GIMD1: variants seen among roughly 807,000 people sequenced by gnomAD.
The protein encoded by GIMD1 is GIMAP family P-loop NTPase domain containing 1.
Under a neutral mutation model 14.9 loss-of-function variants are expected in GIMD1, and 14 were observed. The ratio of observed to expected loss-of-function variants is 0.94; its 90% CI spans 0.62 to 1.47. The LOEUF (loss-of-function observed/expected upper bound fraction) is 1.47, where lower values mean the gene tolerates loss of function less well. Among genes scored for constraint, GIMD1 ranks in the 40% most tolerant of loss-of-function variants. GIMD1 has a pLI of 0.00. For missense variants in GIMD1, 272 were observed against 255.3 expected, an observed-to-expected ratio of 1.07 and a Z score of -0.44; for synonymous variants, 91 against 90.5, an observed-to-expected ratio of 1.01 and a Z score of -0.03.
In GIMD1 at chr4:106,361,181, C is replaced by T. The variant is rs76523932; in HGVS notation, c.394-2738G>A. Among the ~76,000 whole-genome samples, 256 of 152,152 alleles carry T rather than the reference C, an allele frequency of 1.7e-3. 1 individual carries two copies. Among genetic ancestry groups the T allele is most frequent in the African/African-American group, 6.0e-3 (249 of 41,534 alleles). On this transcript the variant is annotated intron_variant, in intron 2 of 2. Transcript: ENST00000638719. ...GGGTCTACTTTGTTCTAGGCATGCT[C>T]TACATGGTAGGGACAGGTGTGGAAC...
chr4:106,360,615 G>C (rs1012442920), intron 2 of GIMD1, among the ~76,000 whole-genome samples: 1 of 151,922 alleles, frequency 6.6e-6, no homozygotes, highest in Non-Finnish European at 1.5e-5. Flanking sequence ...CAGTTCTTCC[G>C]GATGTGATCT....
At chr4:106,366,962 A>G (rs1770711559) in intron 2 of GIMD1, 81 bp downstream of exon 2, 1 of 335,658 alleles carries the variant, frequency 3.0e-6, no homozygotes, top group African/African-American at 2.2e-5. Context: ...TAATAATATT[A>G]TTATTATTAT....
rs1267392043 is a variant in GIMD1, at chr4:106,357,488, CA to C, written c.*694del. 6.6e-6 allele frequency: 1 copy of C among 152,016 alleles called. No homozygotes were observed. 9.4% of individuals were successfully genotyped at this position (152,016 alleles called of 1,614,324 possible). A position where few individuals can be genotyped will look rare whatever the true frequency, so the allele number is the denominator to read the frequency against. On this transcript the variant is annotated 3_prime_UTR_variant, in exon 3 of 3. Coordinates refer to ENST00000638719, the MANE Select transcript of GIMD1 (RefSeq NM_001195138.2). ...ACAAGTGTTTGTTGTTGCATTTTCA[CA>C]AAGTGAACAAATCCTGTGAAACCAG...
intron 2 of GIMD1, among the ~76,000 whole-genome samples, chr4:106,364,968 C>A (rs1425342643): frequency 6.6e-6 from 1 of 152,074 alleles, no homozygotes; most frequent in East Asian, 1.9e-4. Context: ...AGCATAGGTT[C>A]ATGGTAGGGA....
At chr4:106,363,894 G>T (rs573271891) in intron 2 of GIMD1, among the ~76,000 whole-genome samples, 3 of 134,600 alleles carry the variant, frequency 2.2e-5, no homozygotes, top group Admixed American at 7.7e-5. Context: ...GGGGGGGGGG[G>T]GGCGGAAATG....
At position 106,368,720 on chromosome 4, in the gene GIMD1, C is replaced by A. The variant is rs1770744992; in HGVS notation, c.-13G>T. On this transcript the variant is annotated 5_prime_UTR_variant, in exon 1 of 3. Coordinates refer to ENST00000638719, the MANE Select transcript of GIMD1 (RefSeq NM_001195138.2). ...CTATATTTCGCTTACCTTTTCCAGT[C>A]TTGAAAATGCTTTCTCCACAAAGAC... 3 of 398,328 alleles carry A rather than the reference C, an allele frequency of 7.5e-6. No homozygotes were observed. Among genetic ancestry groups the A allele is most frequent in the Non-Finnish European group, 1.3e-5 (3 of 225,950 alleles). The allele number at this position is 398,328 out of a possible 1,614,324, so 24.7% of individuals were successfully genotyped here.
rs778893317 is a variant in GIMD1, at chr4:106,358,358, T to A, written c.479A>T (p.Asp160Val). The change falls in exon 3 of 3, where the codon GAT (aspartate) becomes GTT (valine). Residue 160 changes from aspartate (D) to valine (V), a missense_variant. By Grantham distance (152) the Asp-to-Val change is radical. Transcript: ENST00000638719. ...ATCAGAGGCCTCATGTAAATATTTA[T>A]CTTCAGTAAGCCCAGCCTCTTCTAT... ...EKIEEAGLTE[D>V]KYLHEASDTL... The A allele has an allele frequency of 1.4e-5, 21 of 1,533,668 alleles. No homozygotes were observed. In the South Asian group the frequency reaches 2.4e-4, roughly 17 times the overall value.
intron 2 of GIMD1, among the ~76,000 whole-genome samples, chr4:106,362,648 G>A (rs1770630772): frequency 6.6e-6 from 1 of 151,946 alleles, no homozygotes; most frequent in Non-Finnish European, 1.5e-5. Context: ...GGACTTTTTA[G>A]GGTGAAACAA....
In GIMD1 at chr4:106,358,104, C is replaced by T; in HGVS notation, c.*79G>A. ...AGCATATCAGAATACTTATGGTCCA[C>T]ATTCATGTCAATAAAGGCATTCTTT... On this transcript the variant is annotated 3_prime_UTR_variant, in exon 3 of 3. Transcript: ENST00000638719. 2.1e-6 allele frequency: 2 copies of T among 951,178 alleles called. No homozygotes were observed. Among genetic ancestry groups the T allele is most frequent in the Non-Finnish European group, 3.0e-6 (2 of 661,326 alleles). 58.9% of individuals were successfully genotyped at this position (951,178 alleles called of 1,614,324 possible).
chr4:106,362,945 T>G (rs766711533), intron 2 of GIMD1, among the ~76,000 whole-genome samples: 1 of 152,064 alleles, frequency 6.6e-6, no homozygotes, highest in South Asian at 2.1e-4. Context: ...TGGCTGATTA[T>G]TGACAGGCTT....
In GIMD1 at chr4:106,361,300, T is replaced by G. The variant is rs912039919; in HGVS notation, c.394-2857A>C. Among the ~76,000 whole-genome samples the G allele has an allele frequency of 3.9e-5, 6 of 152,090 alleles. No homozygotes were observed. The East Asian group carries it at 9.6e-4, about 24-fold the overall frequency. On this transcript the variant is annotated intron_variant, in intron 2 of 2. Coordinates refer to ENST00000638719, the MANE Select transcript of GIMD1 (RefSeq NM_001195138.2). ...AGACAGGAAAGAAATACTTTGAATT[T>G]GTTTCAATTGCAAGTGTGATAGAAA...
At chr4:106,365,196 C>T (rs1458883767) in intron 2 of GIMD1, among the ~76,000 whole-genome samples, 1 of 152,162 alleles carries the variant, frequency 6.6e-6, no homozygotes, top group Admixed American at 6.6e-5. Flanking sequence ...GCTTGAAATA[C>T]AGGCTTTCAT....
intron 2 of GIMD1, among the ~76,000 whole-genome samples, chr4:106,364,814 A>G (rs2125934497): frequency 6.6e-6 from 1 of 152,308 alleles, no homozygotes; most frequent in Non-Finnish European, 1.5e-5. Flanking sequence ...TATATGCCAA[A>G]TATTGTTTTA....
rs1246360307 is a variant in GIMD1, at chr4:106,367,236, G to A, written c.200C>T (p.Ala67Val). ...SFMRRGGLEV[A>V]LQVQVLDTPG... Reference sequence around the variant, plus strand: ...AGTGTCCAACACCTGGACCTGCAGGGCTACCTCTAGCCCACCTCGACGCAT... The same window carrying A: ...AGTGTCCAACACCTGGACCTGCAGGACTACCTCTAGCCCACCTCGACGCAT... Residue 67 changes from alanine to valine, a missense_variant, in exon 2 of 3, where the codon GCC becomes GTC. Transcript: ENST00000638719. 5 of 1,535,748 alleles carry A rather than the reference G, an allele frequency of 3.3e-6. No individual in the cohort carries two copies. The Admixed American group carries it at 9.8e-5, about 30-fold the overall frequency.
rs1770559636 is a variant in GIMD1, at chr4:106,358,179, A to C, written c.*4T>G. 6.8e-7 allele frequency: 1 copy of C among 1,468,202 alleles called. No homozygotes were observed. The highest frequency in any genetic ancestry group is 1.4e-5 in the African/African-American group (1 of 70,184). 90.9% of individuals were successfully genotyped at this position (1,468,202 alleles called of 1,614,324 possible). ...CCCAATGCTCCTTTCCTTTCACCTA[A>C]ATTTTATTTAAATGTAAGAACTTGG... is the stretch of plus-strand genomic sequence containing the variant. On this transcript the variant is annotated 3_prime_UTR_variant, in exon 3 of 3. Coordinates refer to ENST00000638719, the MANE Select transcript of GIMD1 (RefSeq NM_001195138.2).
At chr4:106,366,581 T>C (rs1286052107) in intron 2 of GIMD1, among the ~76,000 whole-genome samples, 1 of 152,132 alleles carries the variant, frequency 6.6e-6, no homozygotes, top group Non-Finnish European at 1.5e-5. Context: ...TTTTGAGAAA[T>C]ACATGGAAAA....
chr4:106,366,189 T>C (rs777426126), intron 2 of GIMD1, among the ~76,000 whole-genome samples: 6 of 152,186 alleles, frequency 3.9e-5, no homozygotes, highest in Non-Finnish European at 8.8e-5. Flanking sequence ...CAGTCACTTA[T>C]GCTACAACTG....
At chr4:106,358,476 T>G (rs796397938) in intron 2 of GIMD1, 33 bp from the exon 3 acceptor site, 2 of 1,461,658 alleles carry the variant, frequency 1.4e-6, no homozygotes, top group African/African-American at 2.9e-5. Context: ...CTATTGAACT[T>G]GAACTATATT....
chr4:106,368,563 C>T (rs3018067), intron 1 of GIMD1, 147 bp downstream of exon 1: 23,575 of 391,226 alleles, frequency 0.06, 1,608 homozygotes, highest in East Asian at 0.26. Flanking sequence ...TTTGCGGGTC[C>T]CTCCAGTTCA....
Sources: gnomAD v4.1 joint callset for allele counts (sites outside exome capture counted in the v4.1 genomes callset) on GRCh38, gnomAD v4.1.1 for gene constraint, MANE v1.5 for transcripts, NCBI Gene and HGNC (gene_info 2026-07-23, HGNC 2026-07-21) for gene names.